HS6ST3: variants seen among roughly 807,000 people sequenced by gnomAD.
The protein encoded by HS6ST3 is heparan sulfate 6-O-sulfotransferase 3.
In HS6ST3, 12 loss-of-function variants were observed where a neutral mutation model predicts 36.7. The ratio of observed to expected loss-of-function variants is 0.33; its 90% CI spans 0.21 to 0.53. The LOEUF is 0.53. Ranked by LOEUF, HS6ST3 falls within the 20% of genes least tolerant of loss-of-function variation. The pLI, the probability that HS6ST3 is intolerant of heterozygous loss-of-function variation, is 0.95. For synonymous variants in HS6ST3, 240 were observed against 257.5 expected (o/e 0.93, Z 0.65); for missense variants, 584 against 640.9 (o/e 0.91, Z 0.96).
intron 1 of HS6ST3, among the ~76,000 whole-genome samples, chr13:96,620,671 T>C (rs1255391808): frequency 2.0e-5 from 3 of 152,210 alleles, no homozygotes; most frequent in Admixed American, 2.0e-4. Flanking sequence ...TTCTCATTAG[T>C]TCCCCCACCT....
At chr13:96,820,053 G>A (rs1431613261) in intron 1 of HS6ST3, among the ~76,000 whole-genome samples, 1 of 151,986 alleles carries the variant, frequency 6.6e-6, no homozygotes, top group Non-Finnish European at 1.5e-5. Context: ...TCCAGCCTGG[G>A]CAATAGAGTG....
At chr13:96,380,982 A>G (rs1339256199) in intron 1 of HS6ST3, among the ~76,000 whole-genome samples, 2 of 152,246 alleles carry the variant, frequency 1.3e-5, no homozygotes, top group African/African-American at 2.4e-5. Flanking sequence ...GCTGAATTCA[A>G]GAAGTGGTGT....
chr13:96,368,578 A>C (rs771557155), intron 1 of HS6ST3, among the ~76,000 whole-genome samples: 21 of 152,166 alleles, frequency 1.4e-4, no homozygotes, highest in Non-Finnish European at 1.6e-4. Flanking sequence ...CTACAGCATA[A>C]TTCTTCATTT....
intron 1 of HS6ST3, among the ~76,000 whole-genome samples, chr13:96,283,221 C>T (rs2076408183): frequency 6.6e-6 from 1 of 152,052 alleles, no homozygotes; most frequent in Admixed American, 6.6e-5. Context: ...ATTACCTTTC[C>T]CCTTCTAAGT....
intron 1 of HS6ST3, among the ~76,000 whole-genome samples, chr13:96,817,883 C>T (rs2389716): frequency 2.0e-5 from 3 of 152,148 alleles, no homozygotes; most frequent in South Asian, 4.1e-4. Context: ...TTAAGGGATG[C>T]GCCCCCTCCC....
chr13:96,405,300 A>T (rs1479153600), intron 1 of HS6ST3, among the ~76,000 whole-genome samples: 1 of 152,206 alleles, frequency 6.6e-6, no homozygotes, highest in Non-Finnish European at 1.5e-5. Flanking sequence ...TCATATAGAC[A>T]TGTAAATTTT....
At chr13:96,514,498 G>A (rs2056063977) in intron 1 of HS6ST3, among the ~76,000 whole-genome samples, 1 of 152,138 alleles carries the variant, frequency 6.6e-6, no homozygotes, top group South Asian at 2.1e-4. Flanking sequence ...GGGCTTTTAG[G>A]ACGTAATTAA....
At chr13:96,565,180 A>G (rs1376162579) in intron 1 of HS6ST3, among the ~76,000 whole-genome samples, 1 of 152,116 alleles carries the variant, frequency 6.6e-6, no homozygotes, top group Non-Finnish European at 1.5e-5. Context: ...ACAGGAACCT[A>G]GATAACAGGA....
At chr13:96,179,143 C>T (rs192110447) in intron 1 of HS6ST3, among the ~76,000 whole-genome samples, 1 of 152,248 alleles carries the variant, frequency 6.6e-6, no homozygotes, top group East Asian at 1.9e-4. Context: ...GAATATCTCT[C>T]AAAATAGTGG....
intron 1 of HS6ST3, among the ~76,000 whole-genome samples, chr13:96,181,598 G>A (rs750528590): frequency 6.6e-6 from 1 of 152,110 alleles, no homozygotes; most frequent in Admixed American, 6.6e-5. Flanking sequence ...GCTCTTGCTG[G>A]GGTCTCTGTC....
At chr13:96,326,328 T>TC (rs1443231031) in intron 1 of HS6ST3, among the ~76,000 whole-genome samples, 1 of 53,686 alleles carries the variant, frequency 1.9e-5, no homozygotes. Context: ...CCCTCCCCCC[T>TC]CCCCCCACCC....
rs564773792 is a variant in HS6ST3 at position 96,739,064 on chromosome 13, T to C, written c.708-93426T>C. Among the ~76,000 whole-genome samples, 26 of 152,222 alleles carry C rather than the reference T, an allele frequency of 1.7e-4. 1 individual carries two copies. Among genetic ancestry groups the C allele is most frequent in the Admixed American group, 1.2e-3 (18 of 15,276 alleles). On this transcript the variant is annotated intron_variant, in intron 1 of 1. Coordinates refer to ENST00000376705, the MANE Select transcript of HS6ST3 (RefSeq NM_153456.4). ...GCCTTCTTGCAATGTTTTTCTTCCT[T>C]TGGCTTTCAGGACACCGCACACATT...
intron 1 of HS6ST3, among the ~76,000 whole-genome samples, chr13:96,789,292 A>G (rs569529126): frequency 7.4e-4 from 113 of 151,990 alleles, no homozygotes; most frequent in Non-Finnish European, 1.4e-3. Flanking sequence ...TTTTATCAAT[A>G]TAGAGGTCCT....
chr13:96,391,043 C>T (rs1193519127), intron 1 of HS6ST3, among the ~76,000 whole-genome samples: 1 of 152,182 alleles, frequency 6.6e-6, no homozygotes, highest in African/African-American at 2.4e-5. Flanking sequence ...TGATCCTTAA[C>T]ATCCCAGCCA....
intron 1 of HS6ST3, among the ~76,000 whole-genome samples, chr13:96,720,448 G>A (rs1037544630): frequency 1.3e-5 from 2 of 151,982 alleles, no homozygotes; most frequent in Non-Finnish European, 2.9e-5. Flanking sequence ...ACCATCCTTG[G>A]GTTTTGCACT....
At chr13:96,212,627 G>A (rs1330325396) in intron 1 of HS6ST3, among the ~76,000 whole-genome samples, 2 of 152,192 alleles carry the variant, frequency 1.3e-5, no homozygotes, top group Non-Finnish European at 2.9e-5. Context: ...GTCACTTGAA[G>A]CTAGGAGTTT....
chr13:96,718,919 T>C (rs1875773693), intron 1 of HS6ST3, among the ~76,000 whole-genome samples: 1 of 152,186 alleles, frequency 6.6e-6, no homozygotes, highest in African/African-American at 2.4e-5. Context: ...CTTGTTCCTT[T>C]AGAGAGTCTA....
chr13:96,125,525 T>G (rs543780695), intron 1 of HS6ST3, among the ~76,000 whole-genome samples: 51 of 152,256 alleles, frequency 3.3e-4, no homozygotes, highest in African/African-American at 1.2e-3. Flanking sequence ...TTTAAATTTA[T>G]TCTATCATAC....
At chr13:96,418,274 C>G (rs1172729066) in intron 1 of HS6ST3, among the ~76,000 whole-genome samples, 1 of 152,116 alleles carries the variant, frequency 6.6e-6, no homozygotes, top group Non-Finnish European at 1.5e-5. Flanking sequence ...GGGAATAGCT[C>G]AAATTATTTG....
Sources: gnomAD v4.1 joint callset for allele counts (sites outside exome capture counted in the v4.1 genomes callset) on GRCh38, gnomAD v4.1.1 for gene constraint, MANE v1.5 for transcripts, NCBI Gene and HGNC (gene_info 2026-07-23, HGNC 2026-07-21) for gene names.